The following CBX5 variants were observed in gnomAD, a reference collection of about 807,000 sequenced individuals.
CBX5 encodes chromobox 5.
CBX5 carries 7 observed loss-of-function variants against 20.7 expected under a neutral mutation model. The ratio of observed to expected loss-of-function variants is 0.34; its 90% CI spans 0.19 to 0.63. The LOEUF (loss-of-function observed/expected upper bound fraction) is 0.63. CBX5 is among the 30% of genes least tolerant of loss of function. CBX5 has a pLI of 0.75. For missense variants in CBX5, 110 were observed against 224.1 expected (o/e 0.49, Z 3.25); for synonymous variants, 78 against 77.0 (o/e 1.01, Z -0.07).
At position 54,230,995 on chromosome 12, in the gene CBX5, G is replaced by T. The variant is rs1038823481; in HGVS notation, c.*10760C>A. The T allele has an allele frequency of 6.6e-6, 1 of 152,284 alleles. No homozygotes were observed. The highest frequency in any genetic ancestry group is 1.9e-4 in the East Asian group (1 of 5,186). 9.4% of individuals were successfully genotyped at this position (152,284 alleles called of 1,614,324 possible). ...ACCAATACAAGAGTATGAAAAGGGG[G>T]AAAAGAGGAGGGTAGAAGAGGGGGA... On this transcript the variant is annotated 3_prime_UTR_variant, in exon 5 of 5. Coordinates refer to ENST00000209875, the MANE Select transcript of CBX5 (RefSeq NM_012117.3).
At chr12:54,267,398 C>G (rs983054835) in intron 1 of CBX5, among the ~76,000 whole-genome samples, 2 of 152,186 alleles carry the variant, frequency 1.3e-5, no homozygotes, top group Non-Finnish European at 2.9e-5. Flanking sequence ...ACCATGGCAT[C>G]ATCTAGCTTG....
rs1203146955 is a variant in CBX5 at position 54,236,592 on chromosome 12, G to A, written c.*5163C>T. On this transcript the variant is annotated 3_prime_UTR_variant, in exon 5 of 5. Transcript: ENST00000209875. Reference sequence around the variant, plus strand: ...TTCCTCTCTGCCTTGCCACAGGCATGCTTGGTGGTCTGATTACAAAAGTAC... The same window carrying A: ...TTCCTCTCTGCCTTGCCACAGGCATACTTGGTGGTCTGATTACAAAAGTAC... The A allele has an allele frequency of 6.6e-6, 1 of 152,200 alleles. No homozygotes were observed. The highest frequency in any genetic ancestry group is 2.4e-5 in the African/African-American group (1 of 41,450). The allele number at this position is 152,200 out of a possible 1,614,324, so 9.4% of individuals were successfully genotyped here.
Position 54,236,802 on chromosome 12 carries a change from G to A in CBX5, c.*4953C>T, listed in dbSNP as rs903576222. Reference sequence around the variant, plus strand: ...ACTGAACCTTAAGGTAGAGACAATTGCTCCCCGGGCCAAACACAGATCCCT... The same window carrying A: ...ACTGAACCTTAAGGTAGAGACAATTACTCCCCGGGCCAAACACAGATCCCT... On this transcript the variant is annotated 3_prime_UTR_variant, in exon 5 of 5. Coordinates refer to ENST00000209875, the MANE Select transcript of CBX5 (RefSeq NM_012117.3). 1 of 152,044 alleles carries A rather than the reference G, an allele frequency of 6.6e-6. No homozygotes were observed. Among genetic ancestry groups the A allele is most frequent in the African/African-American group, 2.4e-5 (1 of 41,378 alleles). 9.4% of individuals were successfully genotyped at this position (152,044 alleles called of 1,614,324 possible).
intron 2 of CBX5, 183 bp from the exon 3 acceptor site, chr12:54,252,410 C>T: frequency 2.2e-6 from 1 of 459,292 alleles, no homozygotes; most frequent in Admixed American, 4.5e-5. Context: ...AAAAAAAAAG[C>T]CCACACAAAG....
chr12:54,270,826 AG>A (rs1428185420), intron 1 of CBX5, among the ~76,000 whole-genome samples: 18 of 152,250 alleles, frequency 1.2e-4, no homozygotes, highest in Admixed American at 1.0e-3. Context: ...CTGAGATGAG[AG>A]GATCACTTGA....
At position 54,236,797 on chromosome 12, in the gene CBX5, CA is replaced by C. The variant is rs1943627707; in HGVS notation, c.*4957del. 6.6e-6 allele frequency: 1 copy of C among 152,082 alleles called. No individual in the cohort carries two copies. The highest frequency in any genetic ancestry group is 1.5e-5 in the Non-Finnish European group (1 of 68,026). 9.4% of individuals were successfully genotyped at this position (152,082 alleles called of 1,614,324 possible). A position where few individuals can be genotyped will look rare whatever the true frequency, so the allele number is the denominator to read the frequency against. On this transcript the variant is annotated 3_prime_UTR_variant, in exon 5 of 5. Coordinates refer to ENST00000209875, the MANE Select transcript of CBX5 (RefSeq NM_012117.3). The stretch of plus-strand genomic sequence containing the variant: ...TCAAAACTGAACCTTAAGGTAGAGA[CA>C]ATTGCTCCCCGGGCCAAACACAGAT...
intron 3 of CBX5, among the ~76,000 whole-genome samples, chr12:54,247,549 T>A (rs971635221): frequency 1.3e-5 from 2 of 152,212 alleles, no homozygotes; most frequent in Admixed American, 1.3e-4. Context: ...GAGAAAAAAT[T>A]TGATAATTCA....
chr12:54,279,611 A>AACCGCCCGATCCCGCATTCCCCATTGGAT (rs1944110533), intron 1 of CBX5, among the ~76,000 whole-genome samples: 1 of 152,078 alleles, frequency 6.6e-6, no homozygotes, highest in Non-Finnish European at 1.5e-5. Flanking sequence ...CCATCCGTTT[A>AACCGCCCGATCCCGCATTCCCCATTGGAT]ACCGCCCGAT....
Position 54,236,554 on chromosome 12 carries a change from T to G in CBX5, c.*5201A>C, listed in dbSNP as rs1206804531. 2 of 152,242 alleles carry G rather than the reference T, an allele frequency of 1.3e-5. No individual in the cohort carries two copies. The highest frequency in any genetic ancestry group is 4.8e-5 in the African/African-American group (2 of 41,450). 9.4% of individuals were successfully genotyped at this position (152,242 alleles called of 1,614,324 possible). On this transcript the variant is annotated 3_prime_UTR_variant, in exon 5 of 5. Transcript: ENST00000209875. ...AAGGTAGCATGAAACTGCAATACAC[T>G]GGCTCCAGACCTTTCCTCTCTGCCT...
intron 1 of CBX5, among the ~76,000 whole-genome samples, chr12:54,267,156 A>C (rs892649213): frequency 1.3e-5 from 2 of 152,218 alleles, no homozygotes; most frequent in African/African-American, 4.8e-5. Flanking sequence ...AGACCTCGTC[A>C]CCTTTCACAA....
At chr12:54,278,165 G>A (rs769997593) in intron 1 of CBX5, among the ~76,000 whole-genome samples, 1 of 152,204 alleles carries the variant, frequency 6.6e-6, no homozygotes, top group Non-Finnish European at 1.5e-5. Flanking sequence ...GTGGGTAGAG[G>A]CCAGGAATGT....
chr12:54,261,304 T>C (rs567861269), intron 1 of CBX5, among the ~76,000 whole-genome samples: 1 of 144,446 alleles, frequency 6.9e-6, no homozygotes, highest in African/African-American at 2.5e-5. Context: ...TTCTTTTTTC[T>C]TTTTTTTTTT....
chr12:54,248,785 A>G (rs1342269499), intron 3 of CBX5, among the ~76,000 whole-genome samples: 3 of 152,230 alleles, frequency 2.0e-5, no homozygotes, highest in African/African-American at 7.2e-5. Flanking sequence ...ACAGGCAGTA[A>G]TCTTAAATCA....
At chr12:54,279,405 G>A (rs1944106191) in intron 1 of CBX5, among the ~76,000 whole-genome samples, 2 of 152,170 alleles carry the variant, frequency 1.3e-5, no homozygotes, top group Non-Finnish European at 1.5e-5. Context: ...TTTCAAGGAG[G>A]TGTATGGGAC....
At chr12:54,242,393 C>A (rs537044938) in intron 4 of CBX5, among the ~76,000 whole-genome samples, 1 of 151,936 alleles carries the variant, frequency 6.6e-6, no homozygotes, top group Non-Finnish European at 1.5e-5. Context: ...GGCGTGGTGG[C>A]GGGCGCCTGT....
chr12:54,253,901 C>T (rs1233856215), intron 2 of CBX5, among the ~76,000 whole-genome samples: 2 of 151,614 alleles, frequency 1.3e-5, no homozygotes, highest in East Asian at 2.0e-4. Context: ...ACTAGGATTA[C>T]AGGCATGCGC....
At position 54,250,633 on chromosome 12, in the gene CBX5, G is replaced by A. The variant is rs376822776; in HGVS notation, c.324+1408C>T. Among the ~76,000 whole-genome samples, 42 of 147,570 alleles carry A rather than the reference G, an allele frequency of 2.8e-4. No homozygotes were observed. In the East Asian group the frequency reaches 6.8e-3, roughly 24 times the overall value. ...ATCCTGGCTAACAAGGTGAAACCCCGTCTCTACTAAAAATACAAAAAATTA... is the reference window on the plus strand; with the variant it reads ...ATCCTGGCTAACAAGGTGAAACCCCATCTCTACTAAAAATACAAAAAATTA... On this transcript the variant is annotated intron_variant, in intron 3 of 4. Coordinates refer to ENST00000209875, the MANE Select transcript of CBX5 (RefSeq NM_012117.3).
chr12:54,250,113 T>C (rs1443374672), intron 3 of CBX5, among the ~76,000 whole-genome samples: 2 of 151,954 alleles, frequency 1.3e-5, no homozygotes, highest in African/African-American at 4.8e-5. Context: ...TCCCAACTAC[T>C]CTGGAAGGCT....
At chr12:54,243,657 T>C (rs926821690) in intron 4 of CBX5, among the ~76,000 whole-genome samples, 1 of 152,080 alleles carries the variant, frequency 6.6e-6, no homozygotes, top group Admixed American at 6.5e-5. Flanking sequence ...TTGCTTGAGA[T>C]CAGGAGTTCG....
Sources: gnomAD v4.1 joint callset for allele counts (sites outside exome capture counted in the v4.1 genomes callset) on GRCh38, gnomAD v4.1.1 for gene constraint, MANE v1.5 for transcripts, NCBI Gene and HGNC (gene_info 2026-07-23, HGNC 2026-07-21) for gene names.